The following RHBDD1 variants were observed in gnomAD, a reference collection of about 807,000 sequenced individuals.
The protein encoded by RHBDD1 is rhomboid-related protein 4.
A neutral mutation model predicts 36.3 loss-of-function variants in RHBDD1; 38 were observed. That is an observed-to-expected ratio of 1.05 (90% CI 0.81 to 1.37). The LOEUF is 1.37. RHBDD1 is among the 40% of genes most tolerant of loss of function. RHBDD1 has a pLI of 0.00. For missense variants in RHBDD1, 393 were observed against 377.6 expected (o/e 1.04, Z -0.34); for synonymous variants, 151 against 136.5 (o/e 1.11, Z -0.74).
At chr2:226,825,611 G>T in the RHBDD1 span, among the ~76,000 whole-genome samples, 1 of 152,140 alleles carries the variant, frequency 6.6e-6, no homozygotes, top group Non-Finnish European at 1.5e-5. Flanking sequence ...TTTTCATTTT[G>T]ATAGTTTAGA....
intron 8 of RHBDD1, among the ~76,000 whole-genome samples, chr2:226,937,099 T>A (rs1465091012): frequency 6.6e-6 from 1 of 152,194 alleles, no homozygotes; most frequent in Non-Finnish European, 1.5e-5. Context: ...GTTTTTGATG[T>A]GTATATTCTG....
At chr2:226,811,669 T>A in the RHBDD1 span, among the ~76,000 whole-genome samples, 48 of 152,354 alleles carry the variant, frequency 3.2e-4, no homozygotes, top group Admixed American at 5.2e-4. Flanking sequence ...ACAGTGTAAT[T>A]CTGGCTCCTT....
At chr2:226,897,215 G>T (rs1023263353) in intron 5 of RHBDD1, among the ~76,000 whole-genome samples, 6 of 152,322 alleles carry the variant, frequency 3.9e-5, no homozygotes, top group Admixed American at 1.3e-4. Context: ...AGATCCTGCA[G>T]TGCCACTTAA....
intron 5 of RHBDD1, among the ~76,000 whole-genome samples, chr2:226,891,972 G>T (rs928792320): frequency 6.6e-6 from 1 of 152,166 alleles, no homozygotes; most frequent in East Asian, 1.9e-4. Context: ...GAAGCTGAGG[G>T]ACTATCTGCA....
At chr2:226,913,476 C>T (rs1293866622) in intron 7 of RHBDD1, among the ~76,000 whole-genome samples, 1 of 152,140 alleles carries the variant, frequency 6.6e-6, no homozygotes, top group African/African-American at 2.4e-5. Context: ...GGAATAAACT[C>T]AAACTGAAAA....
At chr2:226,952,760 C>A (rs986729870) in intron 8 of RHBDD1, among the ~76,000 whole-genome samples, 1 of 152,110 alleles carries the variant, frequency 6.6e-6, no homozygotes, top group Non-Finnish European at 1.5e-5. Context: ...AAGATAAGAA[C>A]CAAATTATCT....
intron 8 of RHBDD1, among the ~76,000 whole-genome samples, chr2:226,930,262 A>G (rs1374557569): frequency 6.6e-6 from 1 of 152,140 alleles, no homozygotes; most frequent in African/African-American, 2.4e-5. Flanking sequence ...AAATTACACT[A>G]CAAGGATGTA....
chr2:226,816,591 A>G, the RHBDD1 span, among the ~76,000 whole-genome samples: 1 of 152,154 alleles, frequency 6.6e-6, no homozygotes, highest in Admixed American at 6.5e-5. Flanking sequence ...GATTATACCA[A>G]GAAAATATAA....
At chr2:226,880,536 A>G (rs1444285394) in intron 5 of RHBDD1, among the ~76,000 whole-genome samples, 2 of 152,120 alleles carry the variant, frequency 1.3e-5, no homozygotes, top group African/African-American at 2.4e-5. Flanking sequence ...CCCTCCCACT[A>G]CAATTGGAAC....
At chr2:226,835,916 A>T (rs1940898788), upstream of RHBDD1, 1 of 152,374 alleles carries the variant, frequency 6.6e-6, no homozygotes, top group South Asian at 2.1e-4. Context: ...CGGTCTGCAG[A>T]CAGCAGAGCG....
intron 5 of RHBDD1, among the ~76,000 whole-genome samples, chr2:226,901,818 G>A (rs888997254): frequency 1.3e-5 from 2 of 152,136 alleles, no homozygotes; most frequent in Admixed American, 6.5e-5. Context: ...AATGAGTAAA[G>A]CACTTGACTA....
chr2:226,857,096 AGTGTGT>A (rs61685494), intron 3 of RHBDD1, among the ~76,000 whole-genome samples: 47 of 150,108 alleles, frequency 3.1e-4, no homozygotes, highest in African/African-American at 9.5e-4. Flanking sequence ...AGTGTAAGAG[AGTGTGT>A]GTGTGTGTGT....
intron 8 of RHBDD1, among the ~76,000 whole-genome samples, chr2:226,984,948 G>A (rs1166374081): frequency 1.3e-5 from 2 of 150,624 alleles, no homozygotes; most frequent in Non-Finnish European, 3.0e-5. Flanking sequence ...GGGGAGGAGG[G>A]GCAGAAGCAA....
chr2:226,982,660 C>T (rs1956038430), intron 8 of RHBDD1, among the ~76,000 whole-genome samples: 1 of 152,198 alleles, frequency 6.6e-6, no homozygotes, highest in Non-Finnish European at 1.5e-5. Flanking sequence ...GTAGCCCCCA[C>T]TCACCTGTTC....
At chr2:226,959,825 G>A (rs996474866) in intron 8 of RHBDD1, among the ~76,000 whole-genome samples, 8 of 152,000 alleles carry the variant, frequency 5.3e-5, no homozygotes, top group East Asian at 1.9e-4. Flanking sequence ...TTTGTTGTTT[G>A]TTTATTTTTT....
the RHBDD1 span, among the ~76,000 whole-genome samples, chr2:226,815,724 T>G: frequency 1.3e-5 from 2 of 151,806 alleles, no homozygotes; most frequent in Non-Finnish European, 2.9e-5. Context: ...AAAAAAAAAA[T>G]GTTATTTGAA....
chr2:226,809,519 CTA>C, the RHBDD1 span, among the ~76,000 whole-genome samples: 253 of 152,204 alleles, frequency 1.7e-3, no homozygotes, highest in Middle Eastern at 6.8e-3. Context: ...TGAAAAATTC[CTA>C]TGAGGACAGA....
At chr2:226,810,812 G>A in the RHBDD1 span, 2 of 152,002 alleles carry the variant, frequency 1.3e-5, no homozygotes, top group African/African-American at 4.8e-5. Flanking sequence ...ACACATCCCT[G>A]GGGGTTGTAA....
chr2:226,816,384 A>G, the RHBDD1 span, among the ~76,000 whole-genome samples: 3 of 151,322 alleles, frequency 2.0e-5, no homozygotes, highest in African/African-American at 4.9e-5. Context: ...GCAAAAAAAA[A>G]AAAAAAAAAA....
Sources: gnomAD v4.1 joint callset for allele counts (sites outside exome capture counted in the v4.1 genomes callset) on GRCh38, gnomAD v4.1.1 for gene constraint, MANE v1.5 for transcripts, NCBI Gene and HGNC (gene_info 2026-07-23, HGNC 2026-07-21) for gene names.